CDH12: variants seen among roughly 807,000 people sequenced by gnomAD.
The protein encoded by CDH12 is cadherin-12.
A neutral mutation model predicts 74.1 loss-of-function variants in CDH12; 41 were observed. That is an observed-to-expected ratio of 0.55 (90% CI 0.43 to 0.72). The LOEUF (loss-of-function observed/expected upper bound fraction) is 0.72. Among genes scored for constraint, CDH12 ranks in the 30% least tolerant of loss-of-function variants. The pLI is 0.00. For missense variants in CDH12, 945 were observed against 977.2 expected (o/e 0.97, Z 0.44); for synonymous variants, 399 against 355.0 (o/e 1.12, Z -1.39).
chr5:21,766,309 T>C (rs1304086682), intron 11 of CDH12, among the ~76,000 whole-genome samples: 1 of 151,996 alleles, frequency 6.6e-6, no homozygotes, highest in African/African-American at 2.4e-5. Flanking sequence ...ACAGATAACA[T>C]AAATTGCGTA....
intron 3 of CDH12, among the ~76,000 whole-genome samples, chr5:22,275,155 T>A (rs1736574957): frequency 6.6e-6 from 1 of 151,834 alleles, no homozygotes; most frequent in Admixed American, 6.6e-5. Flanking sequence ...AGGGAGAGCA[T>A]TAGGACAGAC....
At chr5:22,705,617 T>G (rs1218057164) in intron 1 of CDH12, among the ~76,000 whole-genome samples, 1 of 151,920 alleles carries the variant, frequency 6.6e-6, no homozygotes, top group East Asian at 1.9e-4. Flanking sequence ...ATTATAGTAT[T>G]TTTGGGAGGA....
intron 4 of CDH12, among the ~76,000 whole-genome samples, chr5:22,192,988 G>GA (rs1052394302): frequency 5.3e-5 from 8 of 151,922 alleles, no homozygotes; most frequent in African/African-American, 1.9e-4. Flanking sequence ...AAGGAAGTCG[G>GA]AAAAAAACTG....
intron 1 of CDH12, among the ~76,000 whole-genome samples, chr5:22,601,476 C>T (rs768188741): frequency 1.3e-5 from 2 of 151,956 alleles, no homozygotes; most frequent in African/African-American, 2.4e-5. Flanking sequence ...CTAAAGTACA[C>T]ATGTAATAAA....
rs369699094 is a variant in CDH12 at position 21,950,757 on chromosome 5, T to TTTTTTATTATTA, written c.526+24333_526+24334insTAATAATAAAAA. The stretch of plus-strand genomic sequence containing the variant: ...AATATATCAGCTACATAAATTTTAT[T>TTTTTTATTATTA]TTATTATTATTATTATTATTATTAT... On this transcript the variant is annotated intron_variant, in intron 6 of 14. Transcript: ENST00000382254. 9.4e-4 allele frequency among the ~76,000 whole-genome samples: 129 copies of TTTTTTATTATTA among 136,986 alleles called. No individual in the cohort carries two copies. In the Middle Eastern group the frequency reaches 0.015, roughly 16 times the overall value. The allele number at this position is 136,986 out of a possible 152,430, so 89.9% of individuals were successfully genotyped here. A position where few individuals can be genotyped will look rare whatever the true frequency, so the allele number is the denominator to read the frequency against.
intron 6 of CDH12, among the ~76,000 whole-genome samples, chr5:21,927,710 A>C (rs749420998): frequency 1.3e-5 from 2 of 152,108 alleles, no homozygotes; most frequent in Non-Finnish European, 2.9e-5. Flanking sequence ...AACTGGAAAG[A>C]CTGTGGTCAG....
intron 1 of CDH12, among the ~76,000 whole-genome samples, chr5:22,513,666 G>T (rs907937358): frequency 1.1e-4 from 17 of 152,172 alleles, no homozygotes; most frequent in Admixed American, 5.2e-4. Context: ...GCACAACACA[G>T]GCCAGGCATG....
At chr5:22,163,086 C>T (rs1427222500) in intron 4 of CDH12, among the ~76,000 whole-genome samples, 1 of 151,830 alleles carries the variant, frequency 6.6e-6, no homozygotes, top group Non-Finnish European at 1.5e-5. Context: ...TTAGTAGAGA[C>T]GGGGTTTCAC....
At chr5:21,756,223 G>T (rs1451448347) in intron 13 of CDH12, among the ~76,000 whole-genome samples, 1 of 151,846 alleles carries the variant, frequency 6.6e-6, no homozygotes, top group African/African-American at 2.4e-5. Context: ...TCTCAAATAA[G>T]AACCTATTCT....
At chr5:22,272,257 C>T (rs990968818) in intron 3 of CDH12, among the ~76,000 whole-genome samples, 2 of 152,184 alleles carry the variant, frequency 1.3e-5, no homozygotes, top group African/African-American at 4.8e-5. Context: ...ATGAACCAAC[C>T]TCTGTTAGAT....
At chr5:22,798,797 T>C (rs1467992797) in intron 1 of CDH12, among the ~76,000 whole-genome samples, 1 of 152,098 alleles carries the variant, frequency 6.6e-6, no homozygotes, top group East Asian at 1.9e-4. Flanking sequence ...TATTTTTTAG[T>C]AAAAAATGTC....
rs374668721 is a variant in CDH12, at chr5:22,451,999, A to G, written c.-427-46648T>C. Among the ~76,000 whole-genome samples the G allele has an allele frequency of 1.9e-4, 29 of 152,034 alleles. No homozygotes were observed. In the East Asian group the frequency reaches 3.7e-3, roughly 19 times the overall value. Reference sequence around the variant, plus strand: ...ACAATATCTACACAAAAAATTACCTAAGAATGCATTTAACCAATGAGGTGA... The same window carrying G: ...ACAATATCTACACAAAAAATTACCTGAGAATGCATTTAACCAATGAGGTGA... On this transcript the variant is annotated intron_variant, in intron 2 of 14. Coordinates refer to ENST00000382254, the MANE Select transcript of CDH12 (RefSeq NM_004061.5).
At chr5:22,235,335 C>T (rs572687813) in intron 3 of CDH12, among the ~76,000 whole-genome samples, 40 of 152,230 alleles carry the variant, frequency 2.6e-4, no homozygotes, top group Admixed American at 5.2e-4. Flanking sequence ...TATTACAGCA[C>T]TTTGGGAGGC....
chr5:22,256,605 AT>A (rs1753326727), intron 3 of CDH12, among the ~76,000 whole-genome samples: 1 of 152,190 alleles, frequency 6.6e-6, no homozygotes, highest in Admixed American at 6.6e-5. Flanking sequence ...TTCAGAAAGT[AT>A]TACAGAAGAA....
chr5:22,342,926 G>T (rs1477014918), intron 3 of CDH12, among the ~76,000 whole-genome samples: 2 of 151,758 alleles, frequency 1.3e-5, no homozygotes, highest in African/African-American at 4.8e-5. Context: ...TTAGCTTATT[G>T]CAACCTCCGC....
chr5:22,471,270 GT>G (rs1371151463), intron 2 of CDH12, among the ~76,000 whole-genome samples: 1 of 152,020 alleles, frequency 6.6e-6, no homozygotes, highest in Non-Finnish European at 1.5e-5. Flanking sequence ...CTCTCTGCAG[GT>G]TTGTATGTAT....
chr5:22,792,103 T>A (rs1036257396), intron 1 of CDH12, among the ~76,000 whole-genome samples: 14 of 151,012 alleles, frequency 9.3e-5, no homozygotes, highest in African/African-American at 3.4e-4. Flanking sequence ...TTTTTTTTTT[T>A]TGAGATGGAG....
chr5:21,855,786 C>G (rs1473122917), intron 6 of CDH12, among the ~76,000 whole-genome samples: 1 of 151,616 alleles, frequency 6.6e-6, no homozygotes, highest in Non-Finnish European at 1.5e-5. Context: ...TTCCATTACT[C>G]ATTCAGCCTT....
At chr5:22,053,084 T>TA (rs1740497328) in intron 5 of CDH12, among the ~76,000 whole-genome samples, 1 of 151,822 alleles carries the variant, frequency 6.6e-6, no homozygotes, top group African/African-American at 2.4e-5. Flanking sequence ...TTTTTTTTTT[T>TA]AAATCATTCC....
Sources: gnomAD v4.1 joint callset for allele counts (sites outside exome capture counted in the v4.1 genomes callset) on GRCh38, gnomAD v4.1.1 for gene constraint, MANE v1.5 for transcripts, NCBI Gene and HGNC (gene_info 2026-07-23, HGNC 2026-07-21) for gene names.